The following SYT1 variants were observed in gnomAD, a reference collection of about 807,000 sequenced individuals.
SYT1 encodes synaptotagmin 1, also known as synaptotagmin-1.
In SYT1, 8 loss-of-function variants were observed where a neutral mutation model predicts 44.8. The observed-to-expected ratio is 0.18, with a 90% CI of 0.10 to 0.32. SYT1 has a LOEUF of 0.32. Ranked by LOEUF, SYT1 falls within the 10% of genes least tolerant of loss-of-function variation. The pLI, the probability that SYT1 is intolerant of heterozygous loss-of-function variation, is 1.00. For synonymous variants in SYT1, 154 were observed against 188.8 expected (o/e 0.82, Z 1.51); for missense variants, 286 against 509.3 (o/e 0.56, Z 4.22).
At chr12:79,278,913 G>C (rs1878889147) in intron 4 of SYT1, among the ~76,000 whole-genome samples, 1 of 149,888 alleles carries the variant, frequency 6.7e-6, no homozygotes, top group South Asian at 2.1e-4. Flanking sequence ...AGAGGAAATA[G>C]ATAAATTCCT....
chr12:79,417,262 G>A (rs1416176276), intron 9 of SYT1, among the ~76,000 whole-genome samples: 2 of 152,132 alleles, frequency 1.3e-5, no homozygotes, highest in Admixed American at 6.6e-5. Flanking sequence ...TGATTGCTTA[G>A]GTGGCCAGGT....
chr12:79,262,978 A>G (rs1346127735), intron 4 of SYT1, among the ~76,000 whole-genome samples: 1 of 152,210 alleles, frequency 6.6e-6, no homozygotes. Flanking sequence ...TCCTGGAGCA[A>G]AGCTTGGAGC....
At chr12:78,986,155 A>T (rs1021148735) in intron 2 of SYT1, among the ~76,000 whole-genome samples, 1 of 152,036 alleles carries the variant, frequency 6.6e-6, no homozygotes, top group African/African-American at 2.4e-5. Flanking sequence ...GTGTTTTTCT[A>T]CTGAAAGAAA....
At chr12:79,156,316 C>T (rs1161421238) in intron 3 of SYT1, among the ~76,000 whole-genome samples, 1 of 152,100 alleles carries the variant, frequency 6.6e-6, no homozygotes, top group Non-Finnish European at 1.5e-5. Context: ...ACACAGATGG[C>T]TTGTACGGGT....
chr12:79,406,813 G>A (rs977088329), intron 9 of SYT1, among the ~76,000 whole-genome samples: 2 of 152,104 alleles, frequency 1.3e-5, no homozygotes, highest in Admixed American at 6.6e-5. Context: ...GAAAGAAAGT[G>A]AGTTAATATT....
chr12:78,916,082 A>T (rs1876634893), intron 1 of SYT1, among the ~76,000 whole-genome samples: 1 of 152,034 alleles, frequency 6.6e-6, no homozygotes, highest in South Asian at 2.1e-4. Flanking sequence ...GCCAAAAATG[A>T]TGGGTAAAAC....
chr12:79,275,982 A>T (rs926548635), intron 4 of SYT1, among the ~76,000 whole-genome samples: 1 of 152,192 alleles, frequency 6.6e-6, no homozygotes, highest in African/African-American at 2.4e-5. Context: ...ACTCATACAG[A>T]GTCTTTGACA....
chr12:79,408,021 G>A (rs562769629), intron 9 of SYT1, among the ~76,000 whole-genome samples: 1 of 152,074 alleles, frequency 6.6e-6, no homozygotes, highest in South Asian at 2.1e-4. Flanking sequence ...TAAATGCATG[G>A]GGAATATTCC....
chr12:79,043,455 CT>C (rs1410363083), intron 2 of SYT1, among the ~76,000 whole-genome samples: 2 of 147,490 alleles, frequency 1.4e-5, no homozygotes, highest in Non-Finnish European at 3.0e-5. Flanking sequence ...CAACCCCTGC[CT>C]TTTTTTGTTT....
At chr12:79,366,941 TG>T (rs1883572100) in intron 9 of SYT1, among the ~76,000 whole-genome samples, 5 of 143,388 alleles carry the variant, frequency 3.5e-5, no homozygotes, top group African/African-American at 1.3e-4. Flanking sequence ...TGTGTGTGTG[TG>T]TGTGTTCAAA....
In SYT1 at chr12:78,925,601, A is replaced by G. The variant is rs187676809; in HGVS notation, c.-216-52198A>G. ...CCAAAAGTCAGAACCATAAAATATTATACTCAAGAAGGTGTAAGTCCATCC... is the reference window on the plus strand; with the variant it reads ...CCAAAAGTCAGAACCATAAAATATTGTACTCAAGAAGGTGTAAGTCCATCC... On this transcript the variant is annotated intron_variant, in intron 1 of 10. Coordinates refer to ENST00000261205, the MANE Select transcript of SYT1 (RefSeq NM_005639.3). Among the ~76,000 whole-genome samples, 130 of 152,092 alleles carry G rather than the reference A, an allele frequency of 8.5e-4. 1 individual carries two copies. Among genetic ancestry groups the G allele is most frequent in the Non-Finnish European group, 8.2e-4 (56 of 67,902 alleles).
At chr12:79,171,633 G>A (rs1229473671) in intron 3 of SYT1, among the ~76,000 whole-genome samples, 1 of 151,572 alleles carries the variant, frequency 6.6e-6, no homozygotes, top group Non-Finnish European at 1.5e-5. Context: ...TTCAGTAAAG[G>A]CTTAGTCTGC....
At chr12:79,094,753 A>C (rs1878012275) in intron 3 of SYT1, among the ~76,000 whole-genome samples, 1 of 151,906 alleles carries the variant, frequency 6.6e-6, no homozygotes, top group Non-Finnish European at 1.5e-5. Flanking sequence ...AGGCAAAGAA[A>C]TTCTTATTAT....
At position 78,872,978 on chromosome 12, in the gene SYT1, A is replaced by C. The variant is rs188775670; in HGVS notation, c.-217+7869A>C. On this transcript the variant is annotated intron_variant, in intron 1 of 10. Coordinates refer to ENST00000261205, the MANE Select transcript of SYT1 (RefSeq NM_005639.3). ...ACAGAATAATGTTTTAGAGTCCAAA[A>C]AACTGGCATGTACTATTTGGCATGT... Among the ~76,000 whole-genome samples the C allele has an allele frequency of 6.3e-4, 96 of 151,874 alleles. No individual in the cohort carries two copies. The Middle Eastern group carries it at 0.01, about 16-fold the overall frequency.
At chr12:78,905,642 A>T (rs1160811703) in intron 1 of SYT1, among the ~76,000 whole-genome samples, 1 of 151,934 alleles carries the variant, frequency 6.6e-6, no homozygotes, top group Non-Finnish European at 1.5e-5. Flanking sequence ...TTGGATTTTG[A>T]TTTTCTTACT....
intron 9 of SYT1, among the ~76,000 whole-genome samples, chr12:79,369,231 C>G (rs1883684465): frequency 6.6e-6 from 1 of 152,108 alleles, no homozygotes; most frequent in East Asian, 1.9e-4. Flanking sequence ...CCTGTAATCC[C>G]AGAACTTTAG....
chr12:79,216,364 A>T (rs1874806034), intron 3 of SYT1, among the ~76,000 whole-genome samples: 1 of 152,140 alleles, frequency 6.6e-6, no homozygotes, highest in Non-Finnish European at 1.5e-5. Context: ...TTACTTATCT[A>T]TTTCTGCCCC....
At chr12:79,248,617 A>C (rs1007350533) in intron 4 of SYT1, among the ~76,000 whole-genome samples, 2 of 152,206 alleles carry the variant, frequency 1.3e-5, no homozygotes, top group Non-Finnish European at 2.9e-5. Context: ...TGAGTACCAA[A>C]GAAGATGGAG....
At chr12:79,028,723 G>C (rs1872669328) in intron 2 of SYT1, among the ~76,000 whole-genome samples, 1 of 151,286 alleles carries the variant, frequency 6.6e-6, no homozygotes, top group African/African-American at 2.4e-5. Context: ...TGTTTTTCTG[G>C]ATGTGGTATT....
Sources: allele counts gnomAD v4.1 joint callset (sites outside exome capture counted in the v4.1 genomes callset), GRCh38; gene constraint gnomAD v4.1.1; transcripts MANE v1.5; gene names NCBI Gene and HGNC (gene_info 2026-07-23, HGNC 2026-07-21).